Variants in RNF19A observed in about 807,000 individuals in gnomAD.
RNF19A encodes ring finger protein 19A, RBR E3 ubiquitin protein ligase, also known as E3 ubiquitin-protein ligase RNF19A.
A neutral mutation model predicts 75.7 loss-of-function variants in RNF19A; 32 were observed. That is an observed-to-expected ratio of 0.42 (90% CI 0.32 to 0.57). The LOEUF is 0.57. Among genes scored for constraint, RNF19A ranks in the 20% least tolerant of loss-of-function variants. RNF19A has a pLI of 0.10. For synonymous variants in RNF19A, 335 were observed against 345.2 expected, an observed-to-expected ratio of 0.97 and a Z score of 0.33; for missense variants, 782 against 1,036.3, an observed-to-expected ratio of 0.75 and a Z score of 3.37.
Position 100,257,465 on chromosome 8 carries a change from T to C in RNF19A, c.*1091A>G, listed in dbSNP as rs1470072164. 1 of 152,674 alleles carries C rather than the reference T, an allele frequency of 6.5e-6. No homozygotes were observed. The highest frequency in any genetic ancestry group is 6.5e-5 in the Admixed American group (1 of 15,290). 9.5% of individuals were successfully genotyped at this position (152,674 alleles called of 1,614,324 possible). On this transcript the variant is annotated 3_prime_UTR_variant, in exon 10 of 10. Coordinates refer to ENST00000341084, the MANE Select transcript of RNF19A (RefSeq NM_183419.4). ...CATAAACAAAAGCAAAAGAAAATAA[T>C]GCTAATCATACATGGACCTTTTGTA...
chr8:100,298,952 G>C (rs1281537831), intron 1 of RNF19A, among the ~76,000 whole-genome samples: 47 of 152,336 alleles, frequency 3.1e-4, no homozygotes, highest in Admixed American at 2.9e-3. Flanking sequence ...CCAGAGACAT[G>C]TAAGTTTTTA....
upstream of RNF19A, chr8:100,313,395 A>G: frequency 1.3e-6 from 1 of 777,600 alleles, no homozygotes; most frequent in Non-Finnish European, 1.6e-6. Context: ...AAGAAGGCAA[A>G]CTAGTTAGGA....
At position 100,330,309 on chromosome 8, in the gene RNF19A, G is replaced by C. The variant is rs1822593780; in HGVS notation, c.-243+5799C>G. On this transcript the variant is annotated intron_variant, in intron 1 of 3. Transcript: ENST00000519527. The surrounding 1 kb of genome is among the most constrained non-coding windows in gnomAD (Gnocchi z 4.1). ...GTTATTATTTTTATTATTTTCAACT[G>C]TTCAGCATCTTTGTGTTTGGAAACA... Among the ~76,000 whole-genome samples the C allele has an allele frequency of 6.6e-6, 1 of 152,116 alleles. No homozygotes were observed. Among genetic ancestry groups the C allele is most frequent in the Non-Finnish European group, 1.5e-5 (1 of 68,006 alleles).
rs534843241 is a variant in RNF19A at position 100,287,436 on chromosome 8, T to C, written c.674+65A>G. ...ATGTAAAAATTTTTCTTTTGAGTAATAGCAAATTATTTTATCCACAGAGAA... is the reference window on the plus strand; with the variant it reads ...ATGTAAAAATTTTTCTTTTGAGTAACAGCAAATTATTTTATCCACAGAGAA... On this transcript the variant is annotated intron_variant, in intron 2 of 9. Transcript: ENST00000341084. This position sits in a 1 kb window ranked among gnomAD's most constrained non-coding sequence, Gnocchi z 4.1. 4.7e-5 allele frequency: 70 copies of C among 1,499,918 alleles called. No individual in the cohort carries two copies. Among genetic ancestry groups the C allele is most frequent in the Middle Eastern group, 3.6e-4 (2 of 5,586 alleles). 92.9% of individuals were successfully genotyped at this position (1,499,918 alleles called of 1,614,324 possible).
intron 1 of RNF19A, among the ~76,000 whole-genome samples, chr8:100,304,357 C>T (rs1427817858): frequency 6.6e-6 from 1 of 152,172 alleles, no homozygotes; most frequent in Non-Finnish European, 1.5e-5. Context: ...TACCAGGTAA[C>T]CACTGCCACC....
rs541232472 is a variant in RNF19A at position 100,332,689 on chromosome 8, G to A, written c.-243+3419C>T. Among the ~76,000 whole-genome samples, 29 of 152,108 alleles carry A rather than the reference G, an allele frequency of 1.9e-4. No individual in the cohort carries two copies. Among genetic ancestry groups the A allele is most frequent in the Non-Finnish European group, 3.2e-4 (22 of 67,996 alleles). The stretch of plus-strand genomic sequence containing the variant: ...TGTATTATTAAACATTTTGGTCTTT[G>A]CAAATTTGTTAAAATGTTATCTCAT... On this transcript the variant is annotated intron_variant, in intron 1 of 3. Transcript: ENST00000519527. This position sits in a 1 kb window ranked among gnomAD's most constrained non-coding sequence, Gnocchi z 4.8.
rs1270806334 is a variant in RNF19A at position 100,287,034 on chromosome 8, T to C, written c.674+467A>G. On this transcript the variant is annotated intron_variant, in intron 2 of 9. Transcript: ENST00000341084. The surrounding 1 kb of genome is among the most constrained non-coding windows in gnomAD (Gnocchi z 4.1). The stretch of plus-strand genomic sequence containing the variant: ...TATGTATATCAACATGAACACATCA[T>C]ACTGTGGCACATGCTAAGGTAGGTA... 2.6e-5 allele frequency among the ~76,000 whole-genome samples: 4 copies of C among 152,210 alleles called. No homozygotes were observed. Among genetic ancestry groups the C allele is most frequent in the Admixed American group, 6.5e-5 (1 of 15,284 alleles).
chr8:100,301,681 A>G (rs1449550189), intron 1 of RNF19A, among the ~76,000 whole-genome samples: 3 of 152,242 alleles, frequency 2.0e-5, no homozygotes, highest in Admixed American at 6.5e-5. Context: ...CTAGGTCAGT[A>G]ACTATAAATA....
intron 1 of RNF19A, among the ~76,000 whole-genome samples, chr8:100,301,831 T>C (rs935315565): frequency 2.0e-5 from 3 of 152,176 alleles, no homozygotes; most frequent in African/African-American, 7.2e-5. Context: ...GTATGTGTGG[T>C]GTTGATTACT....
chr8:100,292,920 G>C (rs1004503947), intron 1 of RNF19A, among the ~76,000 whole-genome samples: 4 of 152,050 alleles, frequency 2.6e-5, no homozygotes, highest in African/African-American at 9.7e-5. Flanking sequence ...TTGTGCAGCG[G>C]TGCCCAAACT....
rs759886506 is a variant in RNF19A, at chr8:100,333,979, A to T, written c.-243+2129T>A. ...CTGAAATTATCCAAGTGTATTTACT[A>T]CTACTGCCCAATAAACATCCTCCAC... On this transcript the variant is annotated intron_variant, in intron 1 of 3. Coordinates refer to the RNF19A transcript ENST00000519527. The surrounding 1 kb of genome is among the most constrained non-coding windows in gnomAD (Gnocchi z 4.7). Among the ~76,000 whole-genome samples, 22 of 152,196 alleles carry T rather than the reference A, an allele frequency of 1.4e-4. No homozygotes were observed. Among genetic ancestry groups the T allele is most frequent in the Admixed American group, 5.9e-4 (9 of 15,276 alleles).
chr8:100,316,993 C>T (rs2439452), intron 1 of RNF19A, among the ~76,000 whole-genome samples: 21,761 of 152,242 alleles, frequency 0.14, 1,928 homozygotes, highest in East Asian at 0.21. Context: ...GGACCCAGTA[C>T]ACTCTCCGCA....
rs1305121373 is a variant in RNF19A at position 100,317,987 on chromosome 8, C to T, written c.-242-4615G>A. On this transcript the variant is annotated intron_variant, in intron 1 of 3. Transcript: ENST00000519527. The surrounding 1 kb of genome is among the most constrained non-coding windows in gnomAD (Gnocchi z 4.3). Reference sequence around the variant, plus strand: ...CCCCTGGATAGGGCCTAGAACACCCCCTCCCCACCCTCTCCAGCCCCTGAC... The same window carrying T: ...CCCCTGGATAGGGCCTAGAACACCCTCTCCCCACCCTCTCCAGCCCCTGAC... Among the ~76,000 whole-genome samples, 1 of 152,124 alleles carries T rather than the reference C, an allele frequency of 6.6e-6. No homozygotes were observed. Among genetic ancestry groups the T allele is most frequent in the Non-Finnish European group, 1.5e-5 (1 of 68,020 alleles).
chr8:100,272,429 T>C (rs1250134998), intron 3 of RNF19A, among the ~76,000 whole-genome samples: 1 of 152,102 alleles, frequency 6.6e-6, no homozygotes, highest in East Asian at 1.9e-4. Context: ...TTTTAGACTA[T>C]CATGATACAG....
At chr8:100,308,632 G>C (rs1306514124) in intron 1 of RNF19A, among the ~76,000 whole-genome samples, 1 of 151,314 alleles carries the variant, frequency 6.6e-6, no homozygotes, top group Non-Finnish European at 1.5e-5. Flanking sequence ...AAAACTCAAT[G>C]AATCTAGGTT....
intron 1 of RNF19A, among the ~76,000 whole-genome samples, chr8:100,327,361 C>T (rs1255378316): frequency 1.4e-5 from 2 of 143,338 alleles, no homozygotes; most frequent in Non-Finnish European, 3.0e-5. Flanking sequence ...AAGTGATTCT[C>T]ATGCCTCAGC....
In RNF19A at chr8:100,287,961, G is replaced by A. The variant is rs556919792; in HGVS notation, c.214C>T (p.Arg72Trp). ...KRRISIGSLF[R>W]RKKDNKRKSR... ...TTACGTTTGTTATCTTTTTTCCTCC[G>A]AAACAGGGAGCCTATTGAAATTCTT... is the stretch of plus-strand genomic sequence containing the variant. Residue 72 changes from arginine to tryptophan, a missense_variant, in exon 2 of 10, where the codon CGG becomes TGG. Physicochemically the swap from Arg to Trp is moderately radical, Grantham distance 101 (BLOSUM62 -3). Coordinates refer to ENST00000341084, the MANE Select transcript of RNF19A (RefSeq NM_183419.4). The surrounding 1 kb of genome is among the most constrained non-coding windows in gnomAD (Gnocchi z 4.1). 15 of 1,613,876 alleles carry A rather than the reference G, an allele frequency of 9.3e-6. No homozygotes were observed. The highest frequency in any genetic ancestry group is 4.0e-5 in the African/African-American group (3 of 74,852).
intron 2 of RNF19A, among the ~76,000 whole-genome samples, chr8:100,280,722 T>G (rs747099105): frequency 6.6e-6 from 1 of 152,248 alleles, no homozygotes; most frequent in African/African-American, 2.4e-5. Flanking sequence ...CACATTCATA[T>G]GTATTCAATC....
At chr8:100,282,918 A>G (rs909739479) in intron 2 of RNF19A, among the ~76,000 whole-genome samples, 1 of 152,158 alleles carries the variant, frequency 6.6e-6, no homozygotes, top group Non-Finnish European at 1.5e-5. Flanking sequence ...GTCATAGCAA[A>G]CCAGCTTGAA....
Sources: allele counts gnomAD v4.1 joint callset (sites outside exome capture counted in the v4.1 genomes callset), GRCh38; gene constraint gnomAD v4.1.1; non-coding constraint Gnocchi (gnomAD v3.1); transcripts MANE v1.5; gene names NCBI Gene and HGNC (gene_info 2026-07-23, HGNC 2026-07-21).